The following PGBD2 variants were observed in gnomAD, a reference collection of about 807,000 sequenced individuals.
The protein encoded by PGBD2 is piggyBac transposable element derived 2, also known as piggyBac transposable element-derived protein 2.
Under a neutral mutation model 8.1 loss-of-function variants are expected in PGBD2, and 6 were observed. The ratio of observed to expected loss-of-function variants is 0.74; its 90% CI spans 0.40 to 1.46. The LOEUF (loss-of-function observed/expected upper bound fraction) is 1.46. Ranked by LOEUF, PGBD2 falls within the 40% of genes most tolerant of loss-of-function variation. The pLI, the probability that PGBD2 is intolerant of heterozygous loss-of-function variation, is 0.02. For synonymous variants in PGBD2, 318 were observed against 272.2 expected, an observed-to-expected ratio of 1.17 and a Z score of -1.66; for missense variants, 802 against 739.0, an observed-to-expected ratio of 1.09 and a Z score of -0.99.
At chr1:248,892,180 C>G in the PGBD2 span, among the ~76,000 whole-genome samples, 1 of 151,500 alleles carries the variant, frequency 6.6e-6, no homozygotes, top group Non-Finnish European at 1.5e-5. Context: ...CAACATCTTT[C>G]TATATAAGGG....
chr1:248,928,337 C>A, the PGBD2 span, among the ~76,000 whole-genome samples: 2 of 152,196 alleles, frequency 1.3e-5, no homozygotes, highest in African/African-American at 4.8e-5. Flanking sequence ...GACTGAAATT[C>A]TGAAATCCTT....
At chr1:248,923,367 G>C (rs1398588822), downstream of PGBD2, among the ~76,000 whole-genome samples, 2 of 151,886 alleles carry the variant, frequency 1.3e-5, no homozygotes, top group African/African-American at 4.8e-5. Context: ...TATTAGTCTG[G>C]CTATTGGTCT....
At chr1:248,880,504 A>G in the PGBD2 span, among the ~76,000 whole-genome samples, 4 of 152,214 alleles carry the variant, frequency 2.6e-5, no homozygotes, top group Non-Finnish European at 4.4e-5. Context: ...CATAATGATC[A>G]TGTTCTATAT....
At chr1:248,906,740 G>T (rs1293549809) in intron 1 of PGBD2, among the ~76,000 whole-genome samples, 1 of 151,828 alleles carries the variant, frequency 6.6e-6, no homozygotes, top group Non-Finnish European at 1.5e-5. Context: ...ACATCCTGGG[G>T]CGGGGTGGCT....
chr1:248,874,296 C>T, the PGBD2 span, among the ~76,000 whole-genome samples: 18 of 152,238 alleles, frequency 1.2e-4, no homozygotes, highest in East Asian at 5.8e-4. Flanking sequence ...CGCCGCGGCC[C>T]GGGTTCGATT....
chr1:248,926,705 T>C, the PGBD2 span, among the ~76,000 whole-genome samples: 1 of 152,150 alleles, frequency 6.6e-6, no homozygotes, highest in Non-Finnish European at 1.5e-5. Flanking sequence ...TTTCCCAGGG[T>C]CGCACAGCTA....
At chr1:248,906,939 A>G (rs2103101067) in intron 1 of PGBD2, among the ~76,000 whole-genome samples, 1 of 152,198 alleles carries the variant, frequency 6.6e-6, no homozygotes, top group East Asian at 1.9e-4. Context: ...GCCCTTCCAC[A>G]CCTGTGGGAT....
upstream of PGBD2, among the ~76,000 whole-genome samples, chr1:248,904,324 C>A (rs773573320): frequency 4.0e-5 from 6 of 151,052 alleles, no homozygotes; most frequent in Non-Finnish European, 7.4e-5. Context: ...TTCTGCCATT[C>A]TACCCCAAAT....
intron 2 of PGBD2, 84 bp downstream of exon 2, chr1:248,913,963 C>A: frequency 8.6e-7 from 1 of 1,156,634 alleles, no homozygotes; most frequent in Non-Finnish European, 1.3e-6. Context: ...ACATTTTTAG[C>A]TCTTGGCCTC....
chr1:248,922,077 T>G (rs1182435149), downstream of PGBD2, among the ~76,000 whole-genome samples: 2 of 148,928 alleles, frequency 1.3e-5, no homozygotes, highest in Non-Finnish European at 3.0e-5. Context: ...TTTTTTTTTT[T>G]GAGACAGAGT....
chr1:248,885,099 G>C, the PGBD2 span, among the ~76,000 whole-genome samples: 27,693 of 151,906 alleles, frequency 0.18, 5,658 homozygotes, highest in African/African-American at 0.5. Context: ...TGGCCACAAG[G>C]GGTCTCTTCT....
the PGBD2 span, among the ~76,000 whole-genome samples, chr1:248,891,605 G>A: frequency 1.3e-5 from 2 of 152,194 alleles, no homozygotes; most frequent in African/African-American, 4.8e-5. Context: ...TGAGGCAGGT[G>A]AATTGCGTGA....
the PGBD2 span, among the ~76,000 whole-genome samples, chr1:248,897,107 T>G: frequency 5.3e-5 from 8 of 152,124 alleles, no homozygotes; most frequent in Admixed American, 2.0e-4. Context: ...ATGTCACAAT[T>G]TAGCCTAAAT....
In PGBD2 at chr1:248,916,627, C is replaced by A; in HGVS notation, c.43C>A (p.His15Asn). 1 of 1,614,054 alleles carries A rather than the reference C, an allele frequency of 6.2e-7. No homozygotes were observed. Among genetic ancestry groups the A allele is most frequent in the East Asian group, 2.2e-5 (1 of 44,876 alleles). ...AGATGTCATTGCTGGGAGAGGTATC[C>A]ACTCAAAGGTGAAGTCTGCAAAGCT... Reference protein sequence around the residue: ...SRDVIAGRGIHSKVKSAKLLE... With the variant: ...SRDVIAGRGINSKVKSAKLLE... The change falls in exon 3 of 3, where the codon CAC (histidine) becomes AAC (asparagine). Residue 15 changes from histidine to asparagine, a missense_variant. Coordinates refer to ENST00000329291, the MANE Select transcript of PGBD2 (RefSeq NM_170725.3).
At chr1:248,889,394 A>AAAATAAAT in the PGBD2 span, among the ~76,000 whole-genome samples, 3 of 151,960 alleles carry the variant, frequency 2.0e-5, no homozygotes, top group African/African-American at 7.3e-5. Flanking sequence ...TCTCAAAAAG[A>AAAATAAAT]AAATAAATAA....
chr1:248,929,551 C>T, the PGBD2 span, among the ~76,000 whole-genome samples: 1 of 152,190 alleles, frequency 6.6e-6, no homozygotes, highest in Non-Finnish European at 1.5e-5. Flanking sequence ...GAGTCAGGAG[C>T]GTCTCCCCTT....
chr1:248,917,521 C>G lies in PGBD2; in HGVS notation c.937C>G (p.Gln313Glu). 1 of 1,614,132 alleles carries G rather than the reference C, an allele frequency of 6.2e-7. No individual in the cohort carries two copies. The highest frequency in any genetic ancestry group is 8.5e-7 in the Non-Finnish European group (1 of 1,180,016). ...RGYLVWFEPSQGTLFTKPDRS... is the reference protein window; with the variant it reads ...RGYLVWFEPSEGTLFTKPDRS... Reference sequence around the variant, plus strand: ...CTACTTGGTGTGGTTTGAGCCCTCACAGGGCACACTGTTTACCAAGCCAGA... The same window carrying G: ...CTACTTGGTGTGGTTTGAGCCCTCAGAGGGCACACTGTTTACCAAGCCAGA... Residue 313 changes from glutamine (Q) to glutamate (E), a missense_variant, in exon 3 of 3, where the codon CAG (glutamine) becomes GAG (glutamate). Coordinates refer to ENST00000329291, the MANE Select transcript of PGBD2 (RefSeq NM_170725.3).
the PGBD2 span, among the ~76,000 whole-genome samples, chr1:248,887,163 C>T: frequency 6.6e-6 from 1 of 152,134 alleles, no homozygotes; most frequent in Non-Finnish European, 1.5e-5. Context: ...TAACATTTTA[C>T]CTGATCATAG....
the PGBD2 span, among the ~76,000 whole-genome samples, chr1:248,874,927 TA>T: frequency 6.7e-6 from 1 of 149,290 alleles, no homozygotes; most frequent in Non-Finnish European, 1.5e-5. Flanking sequence ...GATAGATAGA[TA>T]GATAGATAGA....
Sources: gnomAD v4.1 joint callset for allele counts (sites outside exome capture counted in the v4.1 genomes callset) on GRCh38, gnomAD v4.1.1 for gene constraint, MANE v1.5 for transcripts, NCBI Gene and HGNC (gene_info 2026-07-23, HGNC 2026-07-21) for gene names.